The following FGF14 variants were observed in gnomAD, a reference collection of about 807,000 sequenced individuals.
The protein encoded by FGF14 is fibroblast growth factor 14, also known as fibroblast growth factor homologous factor 4.
In FGF14, 5 loss-of-function variants were observed where a neutral mutation model predicts 25.5. The observed-to-expected ratio is 0.20, with a 90% CI of 0.10 to 0.41. The LOEUF is 0.41. Among genes scored for constraint, FGF14 ranks in the 10% least tolerant of loss-of-function variants. The pLI is 1.00. For missense variants in FGF14, 222 were observed against 320.1 expected (o/e 0.69, Z 2.34); for synonymous variants, 138 against 118.3 (o/e 1.17, Z -1.08).
At chr13:102,207,551 G>GA (rs796978890) in intron 1 of FGF14, among the ~76,000 whole-genome samples, 13 of 121,712 alleles carry the variant, frequency 1.1e-4, no homozygotes, top group East Asian at 5.3e-4. Context: ...TGCTGGTCTT[G>GA]AAAAAAAAAT....
chr13:102,160,285 G>T (rs1183562207), intron 1 of FGF14, among the ~76,000 whole-genome samples: 4 of 152,120 alleles, frequency 2.6e-5, no homozygotes, highest in African/African-American at 7.2e-5. Flanking sequence ...GTTTCTGGAT[G>T]CTGGTCTCTT....
chr13:102,068,549 G>A (rs1191877084), intron 1 of FGF14, among the ~76,000 whole-genome samples: 2 of 152,202 alleles, frequency 1.3e-5, no homozygotes, highest in Non-Finnish European at 2.9e-5. Flanking sequence ...GCATGGGCTT[G>A]GCGGGCCTGC....
intron 3 of FGF14, among the ~76,000 whole-genome samples, chr13:101,786,107 C>T (rs1353130447): frequency 1.3e-5 from 2 of 152,148 alleles, no homozygotes; most frequent in African/African-American, 4.8e-5. Context: ...CAACCACCAC[C>T]AAAGTGCCCA....
At chr13:102,132,840 G>A in intron 1 of FGF14, among the ~76,000 whole-genome samples, 1 of 152,050 alleles carries the variant, frequency 6.6e-6, no homozygotes, top group East Asian at 1.9e-4. Context: ...GTTTACTTTT[G>A]ACTAAAGATA....
chr13:102,121,742 T>C (rs1270660297), intron 1 of FGF14, among the ~76,000 whole-genome samples: 1 of 152,212 alleles, frequency 6.6e-6, no homozygotes, highest in African/African-American at 2.4e-5. Flanking sequence ...AGGACGGGAA[T>C]GTCAGGGAAC....
In FGF14 at chr13:102,161,642, A is replaced by AGAAG. The variant is rs2047725631; in HGVS notation, c.208+239825_208+239828dup. Among the ~76,000 whole-genome samples the AGAAG allele has an allele frequency of 1.9e-4, 2 of 10,666 alleles. 1 individual carries two copies. The highest frequency in any genetic ancestry group is 3.4e-4 in the Non-Finnish European group (2 of 5,966). 7.0% of individuals were successfully genotyped at this position (10,666 alleles called of 152,430 possible). ...AAGAAGAAGAAGAAGAAGAAGAAGA[A>AGAAG]GAAGAAGAAGAAGAAGAAGAAGAAG... On this transcript the variant is annotated intron_variant, in intron 1 of 4. Coordinates refer to the FGF14 transcript ENST00000376131.
intron 3 of FGF14, among the ~76,000 whole-genome samples, chr13:101,740,954 T>C (rs1433126324): frequency 6.6e-6 from 1 of 152,156 alleles, no homozygotes; most frequent in African/African-American, 2.4e-5. Flanking sequence ...CAAAGGTCCT[T>C]AAATTTCTTA....
At chr13:101,794,532 G>T (rs1268272291) in intron 3 of FGF14, among the ~76,000 whole-genome samples, 1 of 151,934 alleles carries the variant, frequency 6.6e-6, no homozygotes, top group African/African-American at 2.4e-5. Flanking sequence ...CACAGACAGG[G>T]CTTCTCTGCT....
rs183722150 is a variant in FGF14, at chr13:102,012,877, A to T, written c.209-137581T>A. Among the ~76,000 whole-genome samples the T allele has an allele frequency of 6.6e-5, 10 of 152,202 alleles. No homozygotes were observed. The East Asian group carries it at 1.9e-3, about 29-fold the overall frequency. The stretch of plus-strand genomic sequence containing the variant: ...ATGTCTGAGCCCCCTTATTAATCTC[A>T]TCTCTGTTTATTCTCATAAAGTGAT... On this transcript the variant is annotated intron_variant, in intron 1 of 4. Transcript: ENST00000376131.
At chr13:102,089,693 T>C (rs2044082566) in intron 1 of FGF14, among the ~76,000 whole-genome samples, 1 of 152,214 alleles carries the variant, frequency 6.6e-6, no homozygotes, top group Non-Finnish European at 1.5e-5. Flanking sequence ...CCTCATGATA[T>C]TGACTTTTTG....
chr13:101,825,402 T>G (rs552774972), intron 3 of FGF14, among the ~76,000 whole-genome samples: 2 of 152,314 alleles, frequency 1.3e-5, no homozygotes, highest in African/African-American at 4.8e-5. Flanking sequence ...CTCATGGATT[T>G]CAACACAATC....
rs1242982658 is a variant in FGF14, at chr13:102,312,875, G to A, written c.208+88596C>T. 3.3e-5 allele frequency among the ~76,000 whole-genome samples: 5 copies of A among 152,170 alleles called. No homozygotes were observed. In the East Asian group the frequency reaches 7.7e-4, roughly 23 times the overall value. On this transcript the variant is annotated intron_variant, in intron 1 of 4. Coordinates refer to the FGF14 transcript ENST00000376131. ...CATCGAAGCCCTACTTCTGGACTCCGTCCACAGCCCCAGATATCCCTTTCA... is the reference window on the plus strand; with the variant it reads ...CATCGAAGCCCTACTTCTGGACTCCATCCACAGCCCCAGATATCCCTTTCA...
intron 1 of FGF14, among the ~76,000 whole-genome samples, chr13:101,973,967 T>G (rs1052735654): frequency 6.6e-6 from 1 of 152,240 alleles, no homozygotes; most frequent in East Asian, 1.9e-4. Flanking sequence ...AAAGGTCTGA[T>G]GTTTGTTTTA....
chr13:102,089,629 A>G (rs1462464900), intron 1 of FGF14, among the ~76,000 whole-genome samples: 3 of 152,180 alleles, frequency 2.0e-5, no homozygotes, highest in Non-Finnish European at 4.4e-5. Context: ...TTCAGTTATG[A>G]AAGTTCTGTC....
intron 3 of FGF14, among the ~76,000 whole-genome samples, chr13:101,839,928 T>C (rs1286607705): frequency 2.0e-5 from 3 of 151,980 alleles, no homozygotes; most frequent in Non-Finnish European, 2.9e-5. Flanking sequence ...AGAACCGAGC[T>C]AGGAGAAAAT....
chr13:102,024,417 CT>C, intron 1 of FGF14, among the ~76,000 whole-genome samples: 1 of 152,070 alleles, frequency 6.6e-6, no homozygotes, highest in Middle Eastern at 3.4e-3. Context: ...AATTATACAA[CT>C]TTTCTGGAGA....
At position 102,177,587 on chromosome 13, in the gene FGF14, G is replaced by A. The variant is rs563650142; in HGVS notation, c.208+223884C>T. The stretch of plus-strand genomic sequence containing the variant: ...TATTTCCAATTTTGCATCTGCTGAT[G>A]TCTGGGTGCCAAATCTATCCTATAA... On this transcript the variant is annotated intron_variant, in intron 1 of 4. Coordinates refer to the FGF14 transcript ENST00000376131. Among the ~76,000 whole-genome samples the A allele has an allele frequency of 1.2e-3, 179 of 152,108 alleles. 1 individual carries two copies. The highest frequency in any genetic ancestry group is 4.0e-3 in the African/African-American group (166 of 41,500).
chr13:102,245,479 A>T (rs1210462095), intron 1 of FGF14, among the ~76,000 whole-genome samples: 1 of 152,050 alleles, frequency 6.6e-6, no homozygotes, highest in African/African-American at 2.4e-5. Flanking sequence ...CATATAGGAG[A>T]GATTCAATAG....
intron 1 of FGF14, among the ~76,000 whole-genome samples, chr13:102,225,578 C>T (rs954214113): frequency 1.3e-5 from 2 of 152,054 alleles, no homozygotes; most frequent in African/African-American, 2.4e-5. Context: ...TAGAATTGTC[C>T]TTGATTTTGC....
Sources: allele counts gnomAD v4.1 joint callset (sites outside exome capture counted in the v4.1 genomes callset), GRCh38; gene constraint gnomAD v4.1.1; transcripts MANE v1.5; gene names NCBI Gene and HGNC (gene_info 2026-07-23, HGNC 2026-07-21).